The following ALDH1A2 variants were observed in gnomAD, a reference collection of about 807,000 sequenced individuals.
ALDH1A2 encodes the protein aldehyde dehydrogenase 1 family member A2, also known as retinal dehydrogenase 2.
ALDH1A2 carries 27 observed loss-of-function variants against 60.3 expected under a neutral mutation model. The observed-to-expected ratio is 0.45, with a 90% CI of 0.33 to 0.62. The LOEUF is 0.62. Among genes scored for constraint, ALDH1A2 ranks in the 20% least tolerant of loss-of-function variants. The pLI, the probability that ALDH1A2 is intolerant of heterozygous loss-of-function variation, is 0.02. For synonymous variants in ALDH1A2, 289 were observed against 232.4 expected (o/e 1.24, Z -2.21); for missense variants, 581 against 643.8 (o/e 0.90, Z 1.06).
intron 9 of ALDH1A2, among the ~76,000 whole-genome samples, chr15:57,963,166 A>T (rs1893783631): frequency 6.6e-6 from 1 of 152,184 alleles, no homozygotes. Context: ...TCGTAAAAGG[A>T]TAGATGGCTC....
chr15:58,005,920 C>G (rs9635346), intron 4 of ALDH1A2, among the ~76,000 whole-genome samples: 63,927 of 151,522 alleles, frequency 0.42, 14,442 homozygotes, highest in South Asian at 0.71. Flanking sequence ...TTTGTGGATT[C>G]CATATTTAAG....
chr15:58,010,561 C>T, intron 4 of ALDH1A2, 88 bp downstream of exon 4: 1 of 1,555,072 alleles, frequency 6.4e-7, no homozygotes, highest in Admixed American at 1.7e-5. Flanking sequence ...TATCTGTATT[C>T]TGTGTGACTG....
intron 1 of ALDH1A2, among the ~76,000 whole-genome samples, chr15:58,019,636 C>T (rs1158647012): frequency 6.6e-6 from 1 of 152,110 alleles, no homozygotes; most frequent in Non-Finnish European, 1.5e-5. Context: ...CTAGGTTTCT[C>T]AGAGGTTGGA....
intron 1 of ALDH1A2, among the ~76,000 whole-genome samples, chr15:58,018,255 C>A (rs1424774166): frequency 6.6e-6 from 1 of 151,794 alleles, no homozygotes; most frequent in Non-Finnish European, 1.5e-5. Flanking sequence ...ATAATTTAAA[C>A]AAAAAATAAA....
At chr15:58,012,482 G>C (rs1895661374) in intron 3 of ALDH1A2, among the ~76,000 whole-genome samples, 1 of 152,164 alleles carries the variant, frequency 6.6e-6, no homozygotes, top group South Asian at 2.1e-4. Context: ...AAATGGTGAT[G>C]AGACTCAAAT....
chr15:58,030,798 A>T (rs1224343599), intron 1 of ALDH1A2, among the ~76,000 whole-genome samples: 1 of 152,166 alleles, frequency 6.6e-6, no homozygotes, highest in Non-Finnish European at 1.5e-5. Flanking sequence ...GAAAAAAAAT[A>T]AAATACCTAG....
chr15:58,064,931 A>T (rs1244044687), intron 1 of ALDH1A2, among the ~76,000 whole-genome samples: 2 of 152,214 alleles, frequency 1.3e-5, no homozygotes, highest in Non-Finnish European at 2.9e-5. Context: ...TAAGTTTCCC[A>T]GGGAAACTGC....
At chr15:58,002,361 C>A (rs1361858471) in intron 4 of ALDH1A2, among the ~76,000 whole-genome samples, 1 of 151,806 alleles carries the variant, frequency 6.6e-6, no homozygotes, top group East Asian at 1.9e-4. Flanking sequence ...CCTTATCAAA[C>A]TACACAGAAG....
intron 7 of ALDH1A2, among the ~76,000 whole-genome samples, chr15:57,970,059 T>C (rs949502831): frequency 3.3e-5 from 5 of 152,148 alleles, no homozygotes; most frequent in African/African-American, 4.8e-5. Context: ...ATTGAAGGAG[T>C]TAAAAAAGAC....
chr15:58,057,031 G>C (rs1896913498), intron 1 of ALDH1A2, among the ~76,000 whole-genome samples: 1 of 152,032 alleles, frequency 6.6e-6, no homozygotes, highest in Non-Finnish European at 1.5e-5. Flanking sequence ...TTAAGTTGTA[G>C]ATACATATAC....
At position 58,010,532 on chromosome 15, in the gene ALDH1A2, A is replaced by T. The variant is rs979469656; in HGVS notation, c.493+117T>A. On this transcript the variant is annotated intron_variant, in intron 4 of 12. Transcript: ENST00000249750. ...TTGGTTGGTTCTTCACTCAGTTCTA[A>T]CTGCTGTAAGTGTGCTCATATCTGT... The T allele has an allele frequency of 1.1e-4, 156 of 1,381,804 alleles. 1 individual carries two copies. In the South Asian group the frequency reaches 2.0e-3, roughly 17 times the overall value. The allele number at this position is 1,381,804 out of a possible 1,614,324, so 85.6% of individuals were successfully genotyped here.
At chr15:58,053,469 T>C (rs75961348) in intron 1 of ALDH1A2, among the ~76,000 whole-genome samples, 2,565 of 152,246 alleles carry the variant, frequency 0.017, 39 homozygotes, top group Non-Finnish European at 0.024. Flanking sequence ...CTCATCTCCG[T>C]AGCAATAAGT....
chr15:58,023,034 C>T (rs1895975602), intron 1 of ALDH1A2, among the ~76,000 whole-genome samples: 1 of 152,074 alleles, frequency 6.6e-6, no homozygotes, highest in Admixed American at 6.5e-5. Context: ...ATAAAGAATT[C>T]AAAATATTGA....
intron 7 of ALDH1A2, chr15:57,980,232 C>T (rs575755926): frequency 9.0e-5 from 30 of 334,616 alleles, no homozygotes; most frequent in Admixed American, 3.0e-4. Context: ...ATGTCCACCC[C>T]GCTCTGCGGC....
chr15:57,969,338 A>C (rs1288345670), intron 7 of ALDH1A2, among the ~76,000 whole-genome samples: 2 of 152,220 alleles, frequency 1.3e-5, no homozygotes, highest in African/African-American at 2.4e-5. Flanking sequence ...TCTGGGTCTC[A>C]TTTAATATTA....
At chr15:57,960,672 T>C in intron 12 of ALDH1A2, 98 bp downstream of exon 12, 1 of 1,011,942 alleles carries the variant, frequency 9.9e-7, no homozygotes, top group Non-Finnish European at 1.5e-6. Flanking sequence ...GTTGAATGTA[T>C]GGATGAGTGT....
chr15:57,972,143 G>GA (rs1366740942), intron 7 of ALDH1A2, among the ~76,000 whole-genome samples: 1 of 118,566 alleles, frequency 8.4e-6, no homozygotes, highest in African/African-American at 2.8e-5. Context: ...TTTATAATTG[G>GA]AAAAAAAGAC....
At chr15:57,998,666 T>C (rs1212225657) in intron 4 of ALDH1A2, among the ~76,000 whole-genome samples, 1 of 152,128 alleles carries the variant, frequency 6.6e-6, no homozygotes, top group Non-Finnish European at 1.5e-5. Flanking sequence ...GTCATTAAAC[T>C]ACCACTGACA....
intron 1 of ALDH1A2, among the ~76,000 whole-genome samples, chr15:58,061,261 T>C (rs545371943): frequency 2.0e-5 from 3 of 151,550 alleles, no homozygotes; most frequent in East Asian, 3.9e-4. Flanking sequence ...AAAAGCTGCA[T>C]AGTTATGAAA....
Sources: allele counts gnomAD v4.1 joint callset (sites outside exome capture counted in the v4.1 genomes callset), GRCh38; gene constraint gnomAD v4.1.1; transcripts MANE v1.5; gene names NCBI Gene and HGNC (gene_info 2026-07-23, HGNC 2026-07-21).